STXBP5: variants seen among roughly 807,000 people sequenced by gnomAD.
STXBP5 encodes syntaxin-binding protein 5.
A neutral mutation model predicts 152.4 loss-of-function variants in STXBP5; 50 were observed. The observed-to-expected ratio is 0.33, with a 90% CI of 0.26 to 0.42. The LOEUF (loss-of-function observed/expected upper bound fraction) is 0.42, where lower values mean the gene tolerates loss of function less well. STXBP5 is among the 10% of genes least tolerant of loss of function. The probability of loss-of-function intolerance (pLI) is 1.00; values close to 1 mark genes in which losing one functional copy is unlikely to be tolerated. For synonymous variants in STXBP5, 492 were observed against 494.7 expected, an observed-to-expected ratio of 0.99 and a Z score of 0.07; for missense variants, 1,167 against 1,388.6, an observed-to-expected ratio of 0.84 and a Z score of 2.54.
chr6:147,365,777 T>C (rs1283858341), intron 25 of STXBP5, among the ~76,000 whole-genome samples: 1 of 152,192 alleles, frequency 6.6e-6, no homozygotes, highest in Non-Finnish European at 1.5e-5. Context: ...ATAAACACTA[T>C]ACCTTGGTTC....
At position 147,334,745 on chromosome 6, in the gene STXBP5, G is replaced by A. The variant is rs577503547; in HGVS notation, c.2146+523G>A. 1.8e-3 allele frequency among the ~76,000 whole-genome samples: 273 copies of A among 152,020 alleles called. 1 individual carries two copies. The highest frequency in any genetic ancestry group is 6.0e-3 in the African/African-American group (248 of 41,524). On this transcript the variant is annotated intron_variant, in intron 19 of 27. Coordinates refer to ENST00000321680, the MANE Select transcript of STXBP5 (RefSeq NM_001127715.4). ...CTGTGTGTATATTAACATTTCAAAAGAATATTAATTTTTATTATCTTTGGA... is the reference window on the plus strand; with the variant it reads ...CTGTGTGTATATTAACATTTCAAAAAAATATTAATTTTTATTATCTTTGGA...
Position 147,339,339 on chromosome 6 carries a change from A to G in STXBP5, c.2209A>G (p.Lys737Glu). 1 of 1,507,826 alleles carries G rather than the reference A, an allele frequency of 6.6e-7. No individual in the cohort carries two copies. Among genetic ancestry groups the G allele is most frequent in the Non-Finnish European group, 8.8e-7 (1 of 1,134,482 alleles). 93.4% of individuals were successfully genotyped at this position (1,507,826 alleles called of 1,614,324 possible). ...QKMNNFIEKVKTKSRKFSKMV... is the reference protein window; with the variant it reads ...QKMNNFIEKVETKSRKFSKMV... ...TTATATCAAAATATTGTTTTCAGTGAAGACCAAAAGCAGAAAGTTTTCCAA... is the reference window on the plus strand; with the variant it reads ...TTATATCAAAATATTGTTTTCAGTGGAGACCAAAAGCAGAAAGTTTTCCAA... The change falls in exon 21 of 28, where the codon AAG becomes GAG. Residue 737 changes from lysine to glutamate, a missense_variant and splice_region_variant. By Grantham distance (56) the Lys-to-Glu change is moderately conservative (BLOSUM62 1). Coordinates refer to ENST00000321680, the MANE Select transcript of STXBP5 (RefSeq NM_001127715.4).
intron 21 of STXBP5, among the ~76,000 whole-genome samples, chr6:147,342,662 A>G (rs551503655): frequency 2.0e-4 from 30 of 152,220 alleles, no homozygotes; most frequent in African/African-American, 6.5e-4. Context: ...TAGGTTATCA[A>G]TTTTTTATTT....
At chr6:147,289,553 A>G (rs965097609) in intron 8 of STXBP5, among the ~76,000 whole-genome samples, 6 of 152,174 alleles carry the variant, frequency 3.9e-5, no homozygotes, top group African/African-American at 1.4e-4. Flanking sequence ...TGCAACATAC[A>G]TGATTGACAG....
chr6:147,324,808 C>A, intron 16 of STXBP5, 151 bp from the exon 17 acceptor site: 1 of 650,456 alleles, frequency 1.5e-6, no homozygotes. Flanking sequence ...CATACTTAGT[C>A]CCTCCAACTA....
chr6:147,318,116 C>T (rs1484258440), intron 16 of STXBP5, among the ~76,000 whole-genome samples: 1 of 152,042 alleles, frequency 6.6e-6, no homozygotes, highest in African/African-American at 2.4e-5. Context: ...AGGCTTGTGG[C>T]CAGAGATCCA....
intron 9 of STXBP5, among the ~76,000 whole-genome samples, chr6:147,305,397 A>T (rs1199027904): frequency 1.3e-5 from 2 of 152,172 alleles, no homozygotes; most frequent in African/African-American, 2.4e-5. Context: ...CCTTCTATTA[A>T]AGAGATTTTT....
intron 16 of STXBP5, among the ~76,000 whole-genome samples, chr6:147,316,724 C>T (rs574291797): frequency 6.6e-6 from 1 of 152,060 alleles, no homozygotes; most frequent in Admixed American, 6.6e-5. Flanking sequence ...TTATATGTAG[C>T]TTGGATTTAT....
At chr6:147,214,910 C>T (rs1444884879) in intron 2 of STXBP5, among the ~76,000 whole-genome samples, 1 of 152,128 alleles carries the variant, frequency 6.6e-6, no homozygotes, top group Non-Finnish European at 1.5e-5. Flanking sequence ...AGGGAACACA[C>T]AGATTCCTAA....
chr6:147,206,031 A>G lies in STXBP5; in HGVS notation c.211A>G (p.Ile71Val), dbSNP rs1409495948. 1 of 1,614,146 alleles carries G rather than the reference A, an allele frequency of 6.2e-7. No homozygotes were observed. The highest frequency in any genetic ancestry group is 1.1e-5 in the South Asian group (1 of 91,084). Residue 71 changes from isoleucine to valine, a missense_variant, in exon 2 of 28, where the codon ATC (isoleucine) becomes GTC (valine). This residue lies in a region of STXBP5 where 310 missense variants were observed against 346.1 expected (regional missense o/e 0.90). Transcript: ENST00000321680. The stretch of plus-strand genomic sequence containing the variant: ...CCTGGCCTTTGATCCTGTACAGAAG[A>G]TCCTGGCAGTGGGAACTCAGACTGG... ...SALAFDPVQK[I>V]LAVGTQTGAL...
intron 18 of STXBP5, among the ~76,000 whole-genome samples, chr6:147,328,153 T>TAC (rs1350355496): frequency 1.1e-4 from 17 of 152,230 alleles, no homozygotes; most frequent in African/African-American, 4.1e-4. Context: ...TAGCTATATA[T>TAC]ACCAGTACTT....
intron 26 of STXBP5, among the ~76,000 whole-genome samples, chr6:147,375,135 A>G (rs1785747469): frequency 6.6e-6 from 1 of 152,206 alleles, no homozygotes; most frequent in African/African-American, 2.4e-5. Flanking sequence ...AACATAGATG[A>G]CCAGAAACCA....
chr6:147,334,202 G>A lies in STXBP5; in HGVS notation c.2126G>A (p.Arg709His), dbSNP rs780490421. 18 of 1,611,794 alleles carry A rather than the reference G, an allele frequency of 1.1e-5. No individual in the cohort carries two copies. Among genetic ancestry groups the A allele is most frequent in the East Asian group, 1.1e-4 (5 of 44,792 alleles). ...ISEGTVVPED[R>H]CKSPTSGSSS... ...GAAGGGACTGTTGTTCCAGAGGATCGCTGCAAATCTCCAACCTCTGGTAAT... is the reference window on the plus strand; with the variant it reads ...GAAGGGACTGTTGTTCCAGAGGATCACTGCAAATCTCCAACCTCTGGTAAT... Residue 709 changes from arginine (R) to histidine (H), a missense_variant, in exon 19 of 28, where the codon CGC (arginine) becomes CAC (histidine). Physicochemically the swap from Arg to His is conservative, Grantham distance 29. Coordinates refer to ENST00000321680, the MANE Select transcript of STXBP5 (RefSeq NM_001127715.4).
chr6:147,373,121 C>G (rs1785636995), intron 25 of STXBP5, among the ~76,000 whole-genome samples: 1 of 152,044 alleles, frequency 6.6e-6, no homozygotes, highest in African/African-American at 2.4e-5. Flanking sequence ...CTGTACAGCA[C>G]TTTGGGAGGC....
chr6:147,315,531 A>G lies in STXBP5; in HGVS notation c.1419A>G (p.Leu473=), dbSNP rs1002937295. Residue 473 remains leucine, a synonymous_variant, in exon 15 of 28, where the codon TTA becomes TTG. Coordinates refer to ENST00000321680, the MANE Select transcript of STXBP5 (RefSeq NM_001127715.4). ...WDASAITLQV[L]YKLKTSKVFE... is the part of the protein sequence containing the mutation. ...TTTTTCCAGTAACTCTACAAGTATTATATAAGCTAAAGACATCTAAAGTAT... is the reference window on the plus strand; with the variant it reads ...TTTTTCCAGTAACTCTACAAGTATTGTATAAGCTAAAGACATCTAAAGTAT... 1 of 1,607,574 alleles carries G rather than the reference A, an allele frequency of 6.2e-7. No individual in the cohort carries two copies. Among genetic ancestry groups the G allele is most frequent in the East Asian group, 2.2e-5 (1 of 44,732 alleles).
intron 23 of STXBP5, among the ~76,000 whole-genome samples, chr6:147,360,986 C>G (rs1263020908): frequency 6.6e-6 from 1 of 152,090 alleles, no homozygotes; most frequent in African/African-American, 2.4e-5. Flanking sequence ...GTTTAATTTA[C>G]TCATTTTGCT....
At chr6:147,342,469 A>G (rs550003189) in intron 21 of STXBP5, among the ~76,000 whole-genome samples, 8 of 152,252 alleles carry the variant, frequency 5.3e-5, no homozygotes, top group Non-Finnish European at 1.0e-4. Flanking sequence ...CAGCAAAAAC[A>G]TAACAGAATA....
At chr6:147,276,205 CTTAGTA>C (rs1780436357) in intron 7 of STXBP5, among the ~76,000 whole-genome samples, 1 of 152,066 alleles carries the variant, frequency 6.6e-6, no homozygotes, top group Admixed American at 6.5e-5. Flanking sequence ...TACATATATA[CTTAGTA>C]TTAGAAAACA....
chr6:147,302,852 CAATT>C (rs1296375479), intron 9 of STXBP5, among the ~76,000 whole-genome samples: 3 of 152,082 alleles, frequency 2.0e-5, no homozygotes, highest in Non-Finnish European at 4.4e-5. Context: ...ATACAGATAT[CAATT>C]ATGTCTTTAT....
Sources: allele counts gnomAD v4.1 joint callset (sites outside exome capture counted in the v4.1 genomes callset), GRCh38; gene constraint gnomAD v4.1.1; regional missense constraint gnomAD v4.1.1; transcripts MANE v1.5; gene names NCBI Gene and HGNC (gene_info 2026-07-23, HGNC 2026-07-21).